Variants in RGS9 observed in about 807,000 individuals in gnomAD.
RGS9 encodes the protein regulator of G-protein signalling 9.
In RGS9, 78 loss-of-function variants were observed where a neutral mutation model predicts 102.0. The ratio of observed to expected loss-of-function variants is 0.76; its 90% CI spans 0.64 to 0.92. The LOEUF (loss-of-function observed/expected upper bound fraction) is 0.92. Ranked by LOEUF, RGS9 falls within the 40% of genes least tolerant of loss-of-function variation. RGS9 has a pLI of 0.00. For synonymous variants in RGS9, 353 were observed against 318.6 expected, an observed-to-expected ratio of 1.11 and a Z score of -1.15; for missense variants, 833 against 866.1, an observed-to-expected ratio of 0.96 and a Z score of 0.48.
rs757369247 is a variant in RGS9, at chr17:65,163,039, A to C, written c.450A>C (p.Lys150Asn). Residue 150 changes from lysine (K) to asparagine (N), a missense_variant, in exon 7 of 19, where the codon AAA (lysine) becomes AAC (asparagine). By Grantham distance (94) the Lys-to-Asn change is moderately conservative (BLOSUM62 0). Coordinates refer to ENST00000262406, the MANE Select transcript of RGS9 (RefSeq NM_003835.4). ...EKENYNFLNQ[K>N]MNYKWDFVIM... ...AAAATTACAATTTCTTGAACCAAAA[A>C]ATGAACTATAAGTGGGACTTTGTCA... 23 of 1,600,004 alleles carry C rather than the reference A, an allele frequency of 1.4e-5. No homozygotes were observed. In the South Asian group the frequency reaches 2.3e-4, roughly 16 times the overall value.
intron 9 of RGS9, among the ~76,000 whole-genome samples, chr17:65,184,561 C>G (rs970631465): frequency 6.6e-6 from 1 of 152,132 alleles, no homozygotes; most frequent in African/African-American, 2.4e-5. Flanking sequence ...ATTAGAGGCT[C>G]TGAGATGCTG....
chr17:65,159,231 CT>C (rs1270880171), intron 3 of RGS9, among the ~76,000 whole-genome samples: 4 of 151,912 alleles, frequency 2.6e-5, no homozygotes, highest in Admixed American at 6.6e-5. Context: ...AGCCCCACCC[CT>C]ATCTCCCTTC....
rs778636824 is a variant in RGS9, at chr17:65,227,358, G to A, written c.1976G>A (p.Gly659Asp). Residue 659 changes from glycine (G) to aspartate (D), a missense_variant, in exon 19 of 19, where the codon GGT becomes GAT. By Grantham distance (94) the Gly-to-Asp change is moderately conservative (BLOSUM62 -1). This residue lies in a region of RGS9 where 320 missense variants were observed against 276.8 expected (regional missense o/e 1.16). Transcript: ENST00000262406. ...GAGGATGCTGGAACAGGAGAGTCGG[G>A]TGACCGGGCCACAGAAAAGGAGGTC... Reference protein sequence around the residue: ...DSEDAGTGESGDRATEKEVIC... With the variant: ...DSEDAGTGESDDRATEKEVIC... 8 of 1,614,092 alleles carry A rather than the reference G, an allele frequency of 5.0e-6. No homozygotes were observed. In the East Asian group the frequency reaches 1.6e-4, roughly 31 times the overall value.
chr17:65,208,971 G>A (rs538449944), intron 16 of RGS9, among the ~76,000 whole-genome samples: 1 of 152,324 alleles, frequency 6.6e-6, no homozygotes, highest in East Asian at 1.9e-4. Flanking sequence ...AAGGAAGGGA[G>A]TTCAGTGCCC....
In RGS9 at chr17:65,189,329, C is replaced by T. The variant is rs779345359; in HGVS notation, c.684+14C>T. 3 of 1,596,422 alleles carry T rather than the reference C, an allele frequency of 1.9e-6. No individual in the cohort carries two copies. The highest frequency in any genetic ancestry group is 1.3e-5 in the African/African-American group (1 of 74,604). On this transcript the variant is annotated intron_variant, in intron 10 of 18. Transcript: ENST00000262406. ...GTCAAAAAAGAGGTAATTAGTCTTA[C>T]ACTTCCAGTGAAGAATGGTTTTAAA...
intron 17 of RGS9, among the ~76,000 whole-genome samples, chr17:65,215,489 G>GTTCGTTCGTTCTTTCT (rs1491517554): frequency 8.6e-6 from 1 of 116,130 alleles, no homozygotes. Flanking sequence ...TCTTTCTTTC[G>GTTCGTTCGTTCTTTCT]TTCTTTCGTT....
chr17:65,144,434 C>T (rs1910277685), intron 1 of RGS9, among the ~76,000 whole-genome samples: 1 of 152,202 alleles, frequency 6.6e-6, no homozygotes, highest in African/African-American at 2.4e-5. Flanking sequence ...CGCCCACTGT[C>T]ATGCCTCAGC....
At chr17:65,168,545 C>A (rs1005591717) in intron 8 of RGS9, among the ~76,000 whole-genome samples, 3 of 85,274 alleles carry the variant, frequency 3.5e-5, no homozygotes, top group South Asian at 3.8e-4. Flanking sequence ...AGGGCTGGGA[C>A]TTTTTTTTTT....
intron 1 of RGS9, among the ~76,000 whole-genome samples, chr17:65,139,164 C>T (rs537466293): frequency 7.1e-6 from 1 of 140,034 alleles, no homozygotes; most frequent in Non-Finnish European, 1.5e-5. Context: ...CCTGTCTTCC[C>T]CTTCCTCTAC....
chr17:65,194,751 G>T (rs76448878), intron 12 of RGS9, among the ~76,000 whole-genome samples: 1 of 152,080 alleles, frequency 6.6e-6, no homozygotes, highest in African/African-American at 2.4e-5. Flanking sequence ...CAGGGGAGAA[G>T]GGACAGGCCT....
rs36062784 is a variant in RGS9 at position 65,147,587 on chromosome 17, C to CTTTTTTTTT, written c.58-5822_58-5814dup. On this transcript the variant is annotated intron_variant, in intron 1 of 18. Coordinates refer to ENST00000262406, the MANE Select transcript of RGS9 (RefSeq NM_003835.4). ...GATCATTCTCTCTCTCTTTTAAAAA[C>CTTTTTTTTT]TTTTTTTTTTTTTTTTTTTTTGAGA... is the stretch of plus-strand genomic sequence containing the variant. Among the ~76,000 whole-genome samples, 124 of 103,670 alleles carry CTTTTTTTTT rather than the reference C, an allele frequency of 1.2e-3. 10 individuals carry two copies. Among genetic ancestry groups the CTTTTTTTTT allele is most frequent in the African/African-American group, 5.3e-3 (112 of 21,180 alleles). The allele number at this position is 103,670 out of a possible 152,430, so 68.0% of individuals were successfully genotyped here.
chr17:65,214,058 C>G (rs892087621), intron 17 of RGS9, among the ~76,000 whole-genome samples: 1 of 152,142 alleles, frequency 6.6e-6, no homozygotes, highest in African/African-American at 2.4e-5. Context: ...ACCTCCCAGG[C>G]TCTAGCAATT....
At chr17:65,163,380 G>A (rs1911060842) in intron 7 of RGS9, among the ~76,000 whole-genome samples, 1 of 151,698 alleles carries the variant, frequency 6.6e-6, no homozygotes, top group Admixed American at 6.6e-5. Context: ...TTTTAGTAGA[G>A]ACGGGGTTTC....
intron 8 of RGS9, among the ~76,000 whole-genome samples, chr17:65,175,075 C>A (rs1249286872): frequency 6.8e-6 from 1 of 145,990 alleles, no homozygotes; most frequent in Non-Finnish European, 1.5e-5. Flanking sequence ...CAGAACCAAA[C>A]CATATTAATG....
intron 12 of RGS9, among the ~76,000 whole-genome samples, chr17:65,195,631 A>G (rs1049706740): frequency 2.6e-5 from 4 of 152,106 alleles, no homozygotes; most frequent in African/African-American, 9.7e-5. Context: ...TTGCATCCTC[A>G]TAGCTTAGCT....
chr17:65,175,191 G>A lies in RGS9; in HGVS notation c.583-2541G>A, dbSNP rs1160417140. Among the ~76,000 whole-genome samples the A allele has an allele frequency of 9.9e-5, 15 of 151,962 alleles. No individual in the cohort carries two copies. In the South Asian group the frequency reaches 1.2e-3, roughly 13 times the overall value. ...GGTGTGTGCATGTATGTGAGCATGC[G>A]TGTGTGAGTGTGCCAGTGTGTCAGG... On this transcript the variant is annotated intron_variant, in intron 8 of 18. Coordinates refer to ENST00000262406, the MANE Select transcript of RGS9 (RefSeq NM_003835.4).
intron 2 of RGS9, among the ~76,000 whole-genome samples, 196 bp downstream of exon 2, chr17:65,153,714 A>G (rs1316734878): frequency 4.0e-5 from 6 of 151,828 alleles, no homozygotes; most frequent in Non-Finnish European, 8.8e-5. Context: ...ACACGGTGAA[A>G]CCTTGTCTCT....
intron 17 of RGS9, among the ~76,000 whole-genome samples, chr17:65,223,702 C>T (rs764969269): frequency 3.9e-5 from 6 of 151,948 alleles, no homozygotes; most frequent in Non-Finnish European, 8.8e-5. Context: ...TCCTGGAGCC[C>T]CTCACCTCCT....
At chr17:65,200,766 G>A (rs1339785801) in intron 13 of RGS9, among the ~76,000 whole-genome samples, 1 of 151,946 alleles carries the variant, frequency 6.6e-6, no homozygotes, top group Non-Finnish European at 1.5e-5. Flanking sequence ...TTTTTTTTCA[G>A]TAAATATATT....
Sources: gnomAD v4.1 joint callset for allele counts (sites outside exome capture counted in the v4.1 genomes callset) on GRCh38, gnomAD v4.1.1 for gene constraint, gnomAD v4.1.1 regional missense constraint, MANE v1.5 for transcripts, NCBI Gene and HGNC (gene_info 2026-07-23, HGNC 2026-07-21) for gene names.